Variants in IQCJ observed in about 807,000 individuals in gnomAD.
IQCJ encodes the protein IQ domain-containing protein J.
A neutral mutation model predicts 11.0 loss-of-function variants in IQCJ; 9 were observed. The observed-to-expected ratio is 0.82, with a 90% CI of 0.49 to 1.43. The LOEUF (loss-of-function observed/expected upper bound fraction) is 1.43, where lower values mean the gene tolerates loss of function less well. Among genes scored for constraint, IQCJ ranks in the 40% most tolerant of loss-of-function variants. IQCJ has a pLI of 0.00. For missense variants in IQCJ, 146 were observed against 133.2 expected (o/e 1.10, Z -0.47); for synonymous variants, 55 against 51.3 (o/e 1.07, Z -0.31).
intron 1 of IQCJ, among the ~76,000 whole-genome samples, chr3:159,150,830 T>C (rs116038197): frequency 0.012 from 1,830 of 152,284 alleles, 38 homozygotes; most frequent in African/African-American, 0.041. Flanking sequence ...CTGCCAATCA[T>C]TGAGGCACCT....
chr3:159,149,740 T>A (rs995911062), intron 1 of IQCJ, among the ~76,000 whole-genome samples: 1 of 152,240 alleles, frequency 6.6e-6, no homozygotes, highest in East Asian at 1.9e-4. Flanking sequence ...AAATTGGATT[T>A]GAAGGATTTA....
At chr3:159,108,615 A>G (rs752198986) in intron 1 of IQCJ, among the ~76,000 whole-genome samples, 2 of 152,202 alleles carry the variant, frequency 1.3e-5, no homozygotes, top group Non-Finnish European at 2.9e-5. Flanking sequence ...ATTTGCATAG[A>G]TGTATTAGCT....
At chr3:159,252,662 G>T in intron 2 of IQCJ, 65 bp from the exon 3 acceptor site, 1 of 1,384,052 alleles carries the variant, frequency 7.2e-7, no homozygotes, top group Non-Finnish European at 9.9e-7. Flanking sequence ...TAAATTAGCA[G>T]TATTATTGCT....
chr3:159,222,517 G>A (rs1465870896), intron 1 of IQCJ, among the ~76,000 whole-genome samples: 1 of 152,260 alleles, frequency 6.6e-6, no homozygotes, highest in East Asian at 1.9e-4. Flanking sequence ...AAACAGAGTA[G>A]AATGCTGATT....
At chr3:159,234,453 T>A (rs1726453829) in intron 1 of IQCJ, among the ~76,000 whole-genome samples, 1 of 152,144 alleles carries the variant, frequency 6.6e-6, no homozygotes, top group South Asian at 2.1e-4. Context: ...ATGTTTTTAA[T>A]CCCGAAGATT....
rs183583718 is a variant in IQCJ, at chr3:159,187,363, G to A, written c.10-58480G>A. Among the ~76,000 whole-genome samples the A allele has an allele frequency of 1.1e-3, 160 of 152,330 alleles. 2 individuals are homozygous for A. The highest frequency in any genetic ancestry group is 0.01 in the Admixed American group (157 of 15,308). ...ACTGGAAGATAACTTGCTTTTGATA[G>A]ACTCTTTGGAATGAAACCAAGGGGC... On this transcript the variant is annotated intron_variant, in intron 1 of 3. Transcript: ENST00000397832.
chr3:159,082,768 G>A (rs1030034056), intron 1 of IQCJ, among the ~76,000 whole-genome samples: 1 of 152,016 alleles, frequency 6.6e-6, no homozygotes, highest in Non-Finnish European at 1.5e-5. Flanking sequence ...GATGAGATGT[G>A]GCTTTAAGAA....
chr3:159,093,973 G>A (rs1270875626), intron 1 of IQCJ, among the ~76,000 whole-genome samples: 1 of 151,760 alleles, frequency 6.6e-6, no homozygotes, highest in African/African-American at 2.4e-5. Context: ...TTTTGGGTGG[G>A]GCACAGACAA....
At chr3:159,183,018 T>G (rs1241971765) in intron 1 of IQCJ, among the ~76,000 whole-genome samples, 1 of 152,034 alleles carries the variant, frequency 6.6e-6, no homozygotes, top group African/African-American at 2.4e-5. Flanking sequence ...TCTCTGAGTG[T>G]TTGGTATGTA....
At chr3:159,183,240 C>T (rs1328324580) in intron 1 of IQCJ, among the ~76,000 whole-genome samples, 1 of 152,182 alleles carries the variant, frequency 6.6e-6, no homozygotes, top group African/African-American at 2.4e-5. Context: ...TTGCATATGT[C>T]TCATTCACAT....
intron 1 of IQCJ, among the ~76,000 whole-genome samples, chr3:159,197,893 T>C (rs1392108903): frequency 2.6e-5 from 4 of 152,110 alleles, no homozygotes; most frequent in Non-Finnish European, 5.9e-5. Context: ...GGTTTTTAAA[T>C]GTTAGAAACC....
At chr3:159,150,775 C>G (rs1200345669) in intron 1 of IQCJ, among the ~76,000 whole-genome samples, 1 of 152,118 alleles carries the variant, frequency 6.6e-6, no homozygotes, top group Admixed American at 6.5e-5. Context: ...TGTTAGACTG[C>G]CCCATCCTGA....
chr3:159,226,935 T>A (rs1725892224), intron 1 of IQCJ, among the ~76,000 whole-genome samples: 2 of 152,232 alleles, frequency 1.3e-5, no homozygotes. Context: ...TGCATGTATG[T>A]GTACATTCTC....
At chr3:159,201,879 C>T (rs1357003258) in intron 1 of IQCJ, among the ~76,000 whole-genome samples, 4 of 152,062 alleles carry the variant, frequency 2.6e-5, no homozygotes, top group Admixed American at 6.5e-5. Flanking sequence ...TTATTGGGCA[C>T]TTTGGTGCTA....
chr3:159,082,594 C>A (rs969557701), intron 1 of IQCJ, among the ~76,000 whole-genome samples: 2 of 152,132 alleles, frequency 1.3e-5, no homozygotes, highest in East Asian at 1.9e-4. Context: ...CTCTGAAAGA[C>A]CTTTGTGTGT....
At chr3:159,105,160 T>C (rs1003076347) in intron 1 of IQCJ, among the ~76,000 whole-genome samples, 1 of 152,184 alleles carries the variant, frequency 6.6e-6, no homozygotes, top group African/African-American at 2.4e-5. Flanking sequence ...AAACTGAAGC[T>C]CTGAAAGATA....
chr3:159,110,927 C>T (rs956870537), intron 1 of IQCJ, among the ~76,000 whole-genome samples: 2 of 152,202 alleles, frequency 1.3e-5, no homozygotes, highest in African/African-American at 4.8e-5. Flanking sequence ...TTTAGTGCAA[C>T]ATTGTGGACA....
intron 1 of IQCJ, among the ~76,000 whole-genome samples, chr3:159,241,144 T>A (rs1027172737): frequency 6.6e-6 from 1 of 152,018 alleles, no homozygotes; most frequent in Non-Finnish European, 1.5e-5. Context: ...GAGCAGTGGC[T>A]CATGCTTGTA....
chr3:159,107,226 A>T (rs146993875), intron 1 of IQCJ, among the ~76,000 whole-genome samples: 165 of 152,240 alleles, frequency 1.1e-3, no homozygotes, highest in African/African-American at 3.7e-3. Flanking sequence ...CAGAAAAGTG[A>T]TTAAATGGTA....
Sources: allele counts gnomAD v4.1 joint callset (sites outside exome capture counted in the v4.1 genomes callset), GRCh38; gene constraint gnomAD v4.1.1; transcripts MANE v1.5; gene names NCBI Gene and HGNC (gene_info 2026-07-23, HGNC 2026-07-21).